The following KRT6A variants were observed in gnomAD, a reference collection of about 807,000 sequenced individuals.
KRT6A encodes the protein keratin, type II cytoskeletal 6A.
In KRT6A, 28 loss-of-function variants were observed where a neutral mutation model predicts 48.6. That is an observed-to-expected ratio of 0.58 (90% CI 0.43 to 0.79). The LOEUF (loss-of-function observed/expected upper bound fraction) is 0.79, where lower values mean the gene tolerates loss of function less well. KRT6A is among the 30% of genes least tolerant of loss of function. The pLI, the probability that KRT6A is intolerant of heterozygous loss-of-function variation, is 0.00. For synonymous variants in KRT6A, 301 were observed against 294.2 expected, an observed-to-expected ratio of 1.02 and a Z score of -0.24; for missense variants, 687 against 724.3, an observed-to-expected ratio of 0.95 and a Z score of 0.59.
In KRT6A at chr12:52,490,599, C is replaced by T; in HGVS notation, c.1047G>A (p.Arg349=). The T allele has an allele frequency of 6.2e-7, 1 of 1,614,174 alleles. No individual in the cohort carries two copies. The highest frequency in any genetic ancestry group is 8.5e-7 in the Non-Finnish European group (1 of 1,180,040). ...AQYEEIAQRS[R]AEAESWYQTK... ...TCTGGTACCAGGACTCAGCCTCAGC[C>T]CGGCTTCTCTGAGCAATCTCCTCAT... The change falls in exon 5 of 9, where the codon CGG becomes CGA. Residue 349 remains arginine, a synonymous_variant. Transcript: ENST00000330722.
At position 52,491,026 on chromosome 12, in the gene KRT6A, C is replaced by A. The variant is rs1938252524; in HGVS notation, c.817-73G>T. The A allele has an allele frequency of 1.9e-6, 3 of 1,613,802 alleles. No homozygotes were observed. The African/African-American group carries it at 4.0e-5, about 22-fold the overall frequency. ...ATCTACCCATCTTCTAGTCTCCATG[C>A]CAATTCTCCTCTCCCAGGGGAGCGA... is the stretch of plus-strand genomic sequence containing the variant. On this transcript the variant is annotated intron_variant, in intron 3 of 8. Coordinates refer to ENST00000330722, the MANE Select transcript of KRT6A (RefSeq NM_005554.4).
At position 52,488,458 on chromosome 12, in the gene KRT6A, C is replaced by T. The variant is rs1203132497; in HGVS notation, c.1294G>A (p.Asp432Asn). The T allele has an allele frequency of 6.2e-7, 1 of 1,614,074 alleles. No homozygotes were observed. Among genetic ancestry groups the T allele is most frequent in the Admixed American group, 1.7e-5 (1 of 60,008 alleles). The change falls in exon 7 of 9, where the codon GAT becomes AAT. Residue 432 changes from aspartate to asparagine, a missense_variant. By Grantham distance (23) the Asp-to-Asn change is conservative. This residue lies in a region of KRT6A where 566 missense variants were observed against 565.3 expected (regional missense o/e 1.00). Transcript: ENST00000330722. ...DAKNKLEGLE[D>N]ALQKAKQDLA... ...TCCTGCTTGGCCTTCTGCAGGGCAT[C>T]CTCCAGCCCTTCCAGCTTGTTCTTG...
intron 6 of KRT6A, among the ~76,000 whole-genome samples, chr12:52,488,794 A>G (rs1239418041): frequency 6.6e-6 from 1 of 152,078 alleles, no homozygotes; most frequent in Non-Finnish European, 1.5e-5. Context: ...CTAATGGGAG[A>G]CACTGCAGTG....
chr12:52,490,165 T>C, intron 5 of KRT6A, 97 bp from the exon 6 acceptor site: 1 of 1,608,700 alleles, frequency 6.2e-7, no homozygotes, highest in Non-Finnish European at 8.5e-7. Context: ...GAAGTGGACC[T>C]AAAGGCTTCT....
At position 52,490,903 on chromosome 12, in the gene KRT6A, G is replaced by A; in HGVS notation, c.867C>T (p.Asp289=). 2.5e-6 allele frequency: 4 copies of A among 1,614,010 alleles called. No homozygotes were observed. The highest frequency in any genetic ancestry group is 2.5e-6 in the Non-Finnish European group (3 of 1,179,898). Residue 289 remains aspartate (D), a synonymous_variant, in exon 4 of 9, where the codon GAC becomes GAT. Coordinates refer to ENST00000330722, the MANE Select transcript of KRT6A (RefSeq NM_005554.4). The part of the protein sequence containing the change: ...MNKVELQAKA[D]TLTDEINFLR... ...GGAAGTTGATCTCGTCTGTGAGAGT[G>A]TCTGCCTTGGCTTGCAGTTCAACCT...
rs772929769 is a variant in KRT6A at position 52,488,473 on chromosome 12, G to T, written c.1279C>A (p.Leu427Met). Residue 427 changes from leucine to methionine, a missense_variant, in exon 7 of 9, where the codon CTG (leucine) becomes ATG (methionine). Transcript: ENST00000330722. ...TGCAGGGCATCCTCCAGCCCTTCCA[G>T]CTTGTTCTTGGCATCCTTGAGGGCC... ...EMALKDAKNK[L>M]EGLEDALQKA... 1 of 1,614,142 alleles carries T rather than the reference G, an allele frequency of 6.2e-7. No homozygotes were observed. Among genetic ancestry groups the T allele is most frequent in the Non-Finnish European group, 8.5e-7 (1 of 1,180,030 alleles).
chr12:52,489,857 AG>A, intron 6 of KRT6A, 85 bp downstream of exon 6: 2 of 1,607,238 alleles, frequency 1.2e-6, no homozygotes, highest in Non-Finnish European at 1.7e-6. Context: ...GATAAGTTCC[AG>A]GGGATTTTCC....
At chr12:52,489,232 C>G (rs906807500) in intron 6 of KRT6A, among the ~76,000 whole-genome samples, 1 of 152,092 alleles carries the variant, frequency 6.6e-6, no homozygotes, top group Admixed American at 6.5e-5. Flanking sequence ...TTAAATGCAG[C>G]CCAACACAAA....
chr12:52,488,448 T>C lies in KRT6A; in HGVS notation c.1304A>G (p.Gln435Arg), dbSNP rs376008138. ...CCGGGCCAGGTCCTGCTTGGCCTTC[T>C]GCAGGGCATCCTCCAGCCCTTCCAG... ...NKLEGLEDALQKAKQDLARLL... is the reference protein window; with the variant it reads ...NKLEGLEDALRKAKQDLARLL... The change falls in exon 7 of 9, where the codon CAG becomes CGG. Residue 435 changes from glutamine (Q) to arginine (R), a missense_variant. Coordinates refer to ENST00000330722, the MANE Select transcript of KRT6A (RefSeq NM_005554.4). 6.2e-7 allele frequency: 1 copy of C among 1,614,050 alleles called. No homozygotes were observed. Among genetic ancestry groups the C allele is most frequent in the Non-Finnish European group, 8.5e-7 (1 of 1,180,040 alleles).
At position 52,488,557 on chromosome 12, in the gene KRT6A, G is replaced by A. The variant is rs1359410663; in HGVS notation, c.1204-9C>T. On this transcript the variant is annotated splice_polypyrimidine_tract_variant and intron_variant, in intron 6 of 8. Transcript: ENST00000330722. The stretch of plus-strand genomic sequence containing the variant: ...GCCTGCAGGTTGGCGCACTGGAAGA[G>A]GAAAGGAATAGAAGAAACTTGTCAT... 15 of 1,614,062 alleles carry A rather than the reference G, an allele frequency of 9.3e-6. No homozygotes were observed. The highest frequency in any genetic ancestry group is 1.3e-5 in the African/African-American group (1 of 74,920).
At chr12:52,490,291 A>G in intron 5 of KRT6A, 1 of 992,620 alleles carries the variant, frequency 1.0e-6, no homozygotes, top group East Asian at 2.6e-5. Context: ...AGGGAGTAGA[A>G]ATGTTCTGTA....
chr12:52,491,235 C>T (rs298121), intron 2 of KRT6A, 63 bp from the exon 3 acceptor site: 542,282 of 1,600,546 alleles, frequency 0.34, 97,834 homozygotes, highest in East Asian at 0.55. Context: ...GAAAAGCAGC[C>T]TGGGATTCAA....
Position 52,491,548 on chromosome 12 carries a change from C to A in KRT6A, c.729G>T (p.Gln243His). The A allele has an allele frequency of 6.2e-7, 1 of 1,614,186 alleles. No individual in the cohort carries two copies. The highest frequency in any genetic ancestry group is 8.5e-7 in the Non-Finnish European group (1 of 1,180,034). The change falls in exon 2 of 9, where the codon CAG becomes CAT. Residue 243 changes from glutamine to histidine, a missense_variant. Physicochemically the swap from Gln to His is conservative, Grantham distance 24 (BLOSUM62 0). Around this residue, in one of 3 missense-constraint regions of KRT6A, gnomAD observed 566 missense variants for 565.3 expected, o/e 1.00. Transcript: ENST00000330722. Reference protein sequence around the residue: ...GRLDSELRGMQDLVEDFKNKY... With the variant: ...GRLDSELRGMHDLVEDFKNKY... ...TGTTCTTGAAGTCCTCCACCAGGTC[C>A]TGCATGCCTCTGAGCTCTGAGTCCA...
rs376633846 is a variant in KRT6A at position 52,490,053 on chromosome 12, C to T, written c.1093G>A (p.Val365Ile). The change falls in exon 6 of 9, where the codon GTC becomes ATC. Residue 365 changes from valine (V) to isoleucine (I), a missense_variant. This residue lies in a region of KRT6A where 566 missense variants were observed against 565.3 expected (regional missense o/e 1.00). Coordinates refer to ENST00000330722, the MANE Select transcript of KRT6A (RefSeq NM_005554.4). The stretch of plus-strand genomic sequence containing the variant: ...TCGTCCCCATGTCTGCCTGCTGTGA[C>T]CTGCAGCTCCTCGTACTGCAGCCCA... ...WYQTKYEELQ[V>I]TAGRHGDDLR... The T allele has an allele frequency of 6.6e-5, 107 of 1,614,062 alleles. No homozygotes were observed. The highest frequency in any genetic ancestry group is 2.0e-4 in the South Asian group (18 of 91,084).
rs1282903352 is a variant in KRT6A, at chr12:52,489,954, C to A, written c.1192G>T (p.Val398Phe). ...GTCCCTCACCATACCTGCTTCTTGA[C>A]GTGGTCGATCTCAGATCTCAGCCTC... ...IQRLRSEIDH[V>F]KKQCANLQAA... Residue 398 changes from valine (V) to phenylalanine (F), a missense_variant, in exon 6 of 9, where the codon GTC (valine) becomes TTC (phenylalanine). By Grantham distance (50) the Val-to-Phe change is conservative. Coordinates refer to ENST00000330722, the MANE Select transcript of KRT6A (RefSeq NM_005554.4). 1.2e-6 allele frequency: 2 copies of A among 1,614,080 alleles called. No homozygotes were observed. Among genetic ancestry groups the A allele is most frequent in the Admixed American group, 3.3e-5 (2 of 60,016 alleles).
chr12:52,488,178 T>C lies in KRT6A; in HGVS notation c.1425-75A>G. 3.7e-6 allele frequency: 6 copies of C among 1,613,780 alleles called. No homozygotes were observed. The Admixed American group carries it at 8.3e-5, about 22-fold the overall frequency. On this transcript the variant is annotated intron_variant, in intron 7 of 8. Transcript: ENST00000330722. Reference sequence around the variant, plus strand: ...CCTGGACCAGCGTGGGCAGCCTCGGTGGGTGGAAGAGTCCATGGGAAACTG... The same window carrying C: ...CCTGGACCAGCGTGGGCAGCCTCGGCGGGTGGAAGAGTCCATGGGAAACTG...
intron 7 of KRT6A, 52 bp downstream of exon 7, chr12:52,488,276 G>A (rs1186621297): frequency 2.5e-6 from 4 of 1,613,992 alleles, no homozygotes; most frequent in Non-Finnish European, 3.4e-6. Context: ...CTCAGTGCCA[G>A]GAACCTTGAA....
At position 52,487,991 on chromosome 12, in the gene KRT6A, T is replaced by C. The variant is rs368558195; in HGVS notation, c.1460-36A>G. 108 of 1,613,976 alleles carry C rather than the reference T, an allele frequency of 6.7e-5. No homozygotes were observed. In the East Asian group the frequency reaches 9.4e-4, roughly 14 times the overall value. On this transcript the variant is annotated intron_variant, in intron 8 of 8. Transcript: ENST00000330722. ...GAGGGGACAAGGACACAAGAAGCCA[T>C]GGTGAGCTCATCCTGTCAGCCTGAG... is the stretch of plus-strand genomic sequence containing the variant.
chr12:52,490,796 A>T (rs773265329), intron 4 of KRT6A, 62 bp downstream of exon 4: 2 of 1,614,052 alleles, frequency 1.2e-6, no homozygotes, highest in Admixed American at 3.3e-5. Context: ...ACCCAACCCT[A>T]TACATCTTCT....
Sources: gnomAD v4.1 joint callset for allele counts (sites outside exome capture counted in the v4.1 genomes callset) on GRCh38, gnomAD v4.1.1 for gene constraint, gnomAD v4.1.1 regional missense constraint, MANE v1.5 for transcripts, NCBI Gene and HGNC (gene_info 2026-07-23, HGNC 2026-07-21) for gene names.